The following GABBR2 variants were observed in gnomAD, a reference collection of about 807,000 sequenced individuals.
GABBR2 encodes the protein G-protein coupled receptor 51.
Under a neutral mutation model 105.6 loss-of-function variants are expected in GABBR2, and 23 were observed. The observed-to-expected ratio is 0.22, with a 90% CI of 0.16 to 0.31. The LOEUF is 0.31. Among genes scored for constraint, GABBR2 ranks in the 10% least tolerant of loss-of-function variants. The probability of loss-of-function intolerance (pLI) is 1.00; values close to 1 mark genes in which losing one functional copy is unlikely to be tolerated. For missense variants in GABBR2, 734 were observed against 1,245.5 expected, an observed-to-expected ratio of 0.59 and a Z score of 6.18; for synonymous variants, 478 against 499.7, an observed-to-expected ratio of 0.96 and a Z score of 0.58.
At chr9:98,612,933 A>G (rs1192338139) in intron 1 of GABBR2, among the ~76,000 whole-genome samples, 3 of 152,234 alleles carry the variant, frequency 2.0e-5, no homozygotes, top group Admixed American at 2.0e-4. Context: ...GTTGGAGCAG[A>G]GCAGGTAGAG....
At chr9:98,681,381 T>TG (rs1325346420) in intron 1 of GABBR2, among the ~76,000 whole-genome samples, 1 of 87,108 alleles carries the variant, frequency 1.1e-5, no homozygotes, top group African/African-American at 5.1e-5. Context: ...AGGTGGGAAT[T>TG]GAACAATGAG....
At chr9:98,407,234 C>T (rs548254022) in intron 7 of GABBR2, among the ~76,000 whole-genome samples, 137 of 152,346 alleles carry the variant, frequency 9.0e-4, no homozygotes, top group African/African-American at 2.7e-3. Context: ...ACAGACAATA[C>T]TCTGGGTTCC....
intron 2 of GABBR2, among the ~76,000 whole-genome samples, chr9:98,557,501 C>T (rs970264252): frequency 2.0e-5 from 3 of 152,102 alleles, no homozygotes; most frequent in African/African-American, 4.8e-5. Context: ...AAGAAGAAAC[C>T]GTTCACAGTA....
intron 11 of GABBR2, among the ~76,000 whole-genome samples, chr9:98,373,228 G>A (rs1046705876): frequency 1.5e-4 from 23 of 152,110 alleles, no homozygotes; most frequent in Non-Finnish European, 2.5e-4. Context: ...TCACTCATTC[G>A]TTTGTTTGTT....
At chr9:98,577,519 G>A (rs2131780012) in intron 2 of GABBR2, among the ~76,000 whole-genome samples, 1 of 152,348 alleles carries the variant, frequency 6.6e-6, no homozygotes, top group East Asian at 1.9e-4. Flanking sequence ...GGAGTCATCT[G>A]GTTAAGGGAA....
chr9:98,404,881 T>C (rs904936078), intron 8 of GABBR2, among the ~76,000 whole-genome samples: 2 of 152,064 alleles, frequency 1.3e-5, no homozygotes, highest in African/African-American at 2.4e-5. Flanking sequence ...TTCAAGCAGA[T>C]GCAATGGGTG....
chr9:98,702,785 C>T (rs1830847907), intron 1 of GABBR2, among the ~76,000 whole-genome samples: 1 of 152,186 alleles, frequency 6.6e-6, no homozygotes, highest in Non-Finnish European at 1.5e-5. Flanking sequence ...TATGATCTTC[C>T]CTTTCTCTTA....
intron 1 of GABBR2, among the ~76,000 whole-genome samples, chr9:98,686,954 C>T (rs1489672511): frequency 6.6e-6 from 1 of 151,966 alleles, no homozygotes; most frequent in African/African-American, 2.4e-5. Context: ...TCAGCAGAGT[C>T]AGTGCTTCTA....
rs1214224145 is a variant in GABBR2, at chr9:98,542,166, A to AT, written c.460-124dup. The AT allele has an allele frequency of 7.9e-6, 6 of 757,022 alleles. No homozygotes were observed. In the South Asian group the frequency reaches 1.3e-4, roughly 16 times the overall value. 46.9% of individuals were successfully genotyped at this position (757,022 alleles called of 1,614,324 possible). A position where few individuals can be genotyped will look rare whatever the true frequency, so the allele number is the denominator to read the frequency against. On this transcript the variant is annotated intron_variant, in intron 2 of 18. Transcript: ENST00000259455. Reference sequence around the variant, plus strand: ...AGAGCATAAACACACAGGGACAGATATTTTTAAAACTTTTTTATTGTAAGA... The same window carrying AT: ...AGAGCATAAACACACAGGGACAGATATTTTTTAAAACTTTTTTATTGTAAGA...
intron 2 of GABBR2, among the ~76,000 whole-genome samples, chr9:98,567,214 A>C (rs1485700536): frequency 6.6e-6 from 1 of 152,262 alleles, no homozygotes; most frequent in African/African-American, 2.4e-5. Context: ...CTGGACTTAC[A>C]CATTGGGAAC....
chr9:98,391,261 A>G (rs1832175207), intron 9 of GABBR2, among the ~76,000 whole-genome samples: 1 of 152,228 alleles, frequency 6.6e-6, no homozygotes, highest in South Asian at 2.1e-4. Flanking sequence ...GCCTATGACA[A>G]GCTAAGCAAG....
chr9:98,599,071 C>T (rs1262840882), intron 1 of GABBR2, among the ~76,000 whole-genome samples: 1 of 152,128 alleles, frequency 6.6e-6, no homozygotes, highest in Non-Finnish European at 1.5e-5. Context: ...AGACGGGCAC[C>T]CCCAGCTGCT....
At chr9:98,569,849 C>G (rs1828802860) in intron 2 of GABBR2, among the ~76,000 whole-genome samples, 1 of 152,186 alleles carries the variant, frequency 6.6e-6, no homozygotes, top group Non-Finnish European at 1.5e-5. Context: ...CTTTTGATTT[C>G]TCAGACAGCC....
chr9:98,484,695 T>A (rs1042450788), intron 4 of GABBR2, among the ~76,000 whole-genome samples: 1 of 152,200 alleles, frequency 6.6e-6, no homozygotes, highest in African/African-American at 2.4e-5. Context: ...AGTGCAGATA[T>A]ACTGCGTTCT....
intron 2 of GABBR2, among the ~76,000 whole-genome samples, chr9:98,558,667 C>CA (rs1392964569): frequency 1.3e-5 from 2 of 152,220 alleles, no homozygotes; most frequent in African/African-American, 4.8e-5. Context: ...CATGACCACT[C>CA]ACATCATCAG....
intron 1 of GABBR2, among the ~76,000 whole-genome samples, chr9:98,643,394 A>G (rs1206509618): frequency 2.0e-5 from 3 of 152,262 alleles, no homozygotes; most frequent in African/African-American, 7.2e-5. Context: ...GTGCCCACAC[A>G]GGCACACAGA....
At chr9:98,380,860 A>G (rs1167312210) in intron 11 of GABBR2, among the ~76,000 whole-genome samples, 2 of 152,200 alleles carry the variant, frequency 1.3e-5, no homozygotes, top group Non-Finnish European at 2.9e-5. Flanking sequence ...TGTGACTGTC[A>G]TAGGTTTCTG....
chr9:98,495,117 G>A (rs374037334), intron 4 of GABBR2, among the ~76,000 whole-genome samples: 15 of 152,292 alleles, frequency 9.8e-5, no homozygotes, highest in African/African-American at 3.4e-4. Flanking sequence ...CACCTGGGCT[G>A]TCAAGCAGGC....
intron 2 of GABBR2, among the ~76,000 whole-genome samples, chr9:98,555,441 T>C (rs770877392): frequency 6.6e-6 from 1 of 152,252 alleles, no homozygotes; most frequent in African/African-American, 2.4e-5. Context: ...ACAATTAGAA[T>C]GTATGTCTTT....
Sources: allele counts gnomAD v4.1 joint callset (sites outside exome capture counted in the v4.1 genomes callset), GRCh38; gene constraint gnomAD v4.1.1; transcripts MANE v1.5; gene names NCBI Gene and HGNC (gene_info 2026-07-23, HGNC 2026-07-21).